The following ZNF470 variants were observed in gnomAD, a reference collection of about 807,000 sequenced individuals.
ZNF470 encodes the protein chondrogenesis zinc finger protein 1.
Under a neutral mutation model 13.9 loss-of-function variants are expected in ZNF470, and 13 were observed. The ratio of observed to expected loss-of-function variants is 0.94; its 90% CI spans 0.61 to 1.49. The LOEUF (loss-of-function observed/expected upper bound fraction) is 1.49, where lower values mean the gene tolerates loss of function less well. ZNF470 is among the 40% of genes most tolerant of loss of function. The probability of loss-of-function intolerance (pLI) is 0.00; values close to 1 mark genes in which losing one functional copy is unlikely to be tolerated. For synonymous variants in ZNF470, 293 were observed against 282.9 expected (o/e 1.04, Z -0.36); for missense variants, 929 against 857.3 (o/e 1.08, Z -1.04).
Position 56,582,257 on chromosome 19 carries a change from T to G in ZNF470, c.*3674T>G. On this transcript the variant is annotated 3_prime_UTR_variant, in exon 6 of 6. Transcript: ENST00000330619. ...ATAATTTAAGGAGGATGGAGAATGC[T>G]GAATCCAAAAGGTATATGTAATACT... 1.0e-6 allele frequency: 1 copy of G among 985,398 alleles called. No homozygotes were observed. Among genetic ancestry groups the G allele is most frequent in the Non-Finnish European group, 1.2e-6 (1 of 829,930 alleles). The allele number at this position is 985,398 out of a possible 1,614,324, so 61.0% of individuals were successfully genotyped here.
In ZNF470 at chr19:56,574,680, A is replaced by T; in HGVS notation, c.230A>T (p.Gln77Leu). The change falls in exon 5 of 6, where the codon CAA becomes CTA. Residue 77 changes from glutamine to leucine, a missense_variant. Coordinates refer to ENST00000330619, the MANE Select transcript of ZNF470 (RefSeq NM_001001668.4). ...SKPDVISLLE[Q>L]EKDPWVIKGG... ...CCAGATGTGATCTCCTTACTGGAGC[A>T]AGAGAAAGACCCTTGGGTGATAAAA... 1 of 1,613,866 alleles carries T rather than the reference A, an allele frequency of 6.2e-7. No homozygotes were observed. The highest frequency in any genetic ancestry group is 1.3e-5 in the African/African-American group (1 of 75,058).
At chr19:56,574,824 C>G in intron 5 of ZNF470, 91 bp downstream of exon 5, 3 of 1,114,178 alleles carry the variant, frequency 2.7e-6, no homozygotes, top group Non-Finnish European at 2.6e-6. Context: ...AACTCCCTCC[C>G]AAACTGAAAC....
chr19:56,568,459 C>T (rs997728807), intron 1 of ZNF470, among the ~76,000 whole-genome samples: 24 of 152,136 alleles, frequency 1.6e-4, no homozygotes, highest in Non-Finnish European at 4.4e-5. Flanking sequence ...CCAGAAATGC[C>T]GAGGCATTCC....
Position 56,581,196 on chromosome 19 carries a change from T to G in ZNF470, c.*2613T>G, listed in dbSNP as rs956768118. 5 of 653,560 alleles carry G rather than the reference T, an allele frequency of 7.7e-6. No individual in the cohort carries two copies. In the Admixed American group the frequency reaches 1.9e-4, roughly 25 times the overall value. 40.5% of individuals were successfully genotyped at this position (653,560 alleles called of 1,614,324 possible). On this transcript the variant is annotated 3_prime_UTR_variant, in exon 6 of 6. Coordinates refer to ENST00000330619, the MANE Select transcript of ZNF470 (RefSeq NM_001001668.4). ...AATAATAATCTGCAACTTAGAAAAA[T>G]GGACTAATGTCCCATTCACAAAAGA...
At chr19:56,572,371 A>ATGTATATATATATATATAT (rs1179200077) in intron 3 of ZNF470, among the ~76,000 whole-genome samples, 1 of 17,242 alleles carries the variant, frequency 5.8e-5, no homozygotes, top group African/African-American at 8.3e-4. Flanking sequence ...AAAAAAAAAA[A>ATGTATATATATATATATAT]ATATATATAT....
At position 56,580,294 on chromosome 19, in the gene ZNF470, C is replaced by A. The variant is rs1374956305; in HGVS notation, c.*1711C>A. ...GAGGAAGGGAGGATTGATGGTTTAACAGAGATCATGGCAGTTATGTTCACT... is the reference window on the plus strand; with the variant it reads ...GAGGAAGGGAGGATTGATGGTTTAAAAGAGATCATGGCAGTTATGTTCACT... On this transcript the variant is annotated 3_prime_UTR_variant, in exon 6 of 6. Transcript: ENST00000330619. 1 of 383,528 alleles carries A rather than the reference C, an allele frequency of 2.6e-6. No homozygotes were observed. Among genetic ancestry groups the A allele is most frequent in the African/African-American group, 2.2e-5 (1 of 45,132 alleles). 23.8% of individuals were successfully genotyped at this position (383,528 alleles called of 1,614,324 possible). A position where few individuals can be genotyped will look rare whatever the true frequency, so the allele number is the denominator to read the frequency against.
intron 5 of ZNF470, 60 bp from the exon 6 acceptor site, chr19:56,576,653 G>T: frequency 1.5e-6 from 2 of 1,329,072 alleles, no homozygotes; most frequent in South Asian, 2.5e-5. Context: ...TTTCATTTTC[G>T]AAATTTCCAT....
In ZNF470 at chr19:56,581,600, A is replaced by T; in HGVS notation, c.*3017A>T. 1 of 826,558 alleles carries T rather than the reference A, an allele frequency of 1.2e-6. No individual in the cohort carries two copies. Among genetic ancestry groups the T allele is most frequent in the Non-Finnish European group, 1.5e-6 (1 of 685,186 alleles). The allele number at this position is 826,558 out of a possible 1,614,324, so 51.2% of individuals were successfully genotyped here. A position where few individuals can be genotyped will look rare whatever the true frequency, so the allele number is the denominator to read the frequency against. On this transcript the variant is annotated 3_prime_UTR_variant, in exon 6 of 6. Coordinates refer to ENST00000330619, the MANE Select transcript of ZNF470 (RefSeq NM_001001668.4). ...AATCAATGTGTGTAGTCATAGAAAG[A>T]TAGCTGTGCTATACTAAATGAAAAA...
In ZNF470 at chr19:56,582,139, A is replaced by G. The variant is rs1462139479; in HGVS notation, c.*3556A>G. 3 of 985,404 alleles carry G rather than the reference A, an allele frequency of 3.0e-6. No individual in the cohort carries two copies. The African/African-American group carries it at 5.2e-5, about 17-fold the overall frequency. 61.0% of individuals were successfully genotyped at this position (985,404 alleles called of 1,614,324 possible). The stretch of plus-strand genomic sequence containing the variant: ...GGGGCGAATAAGACTTATATTCTAG[A>G]CTGGAAAGCATCTCATGGTGTGCGA... On this transcript the variant is annotated 3_prime_UTR_variant, in exon 6 of 6. Transcript: ENST00000330619.
At chr19:56,573,120 T>C (rs1481439518) in intron 3 of ZNF470, among the ~76,000 whole-genome samples, 1 of 152,234 alleles carries the variant, frequency 6.6e-6, no homozygotes, top group African/African-American at 2.4e-5. Context: ...ATACTACAGT[T>C]AGGTAAAATA....
At chr19:56,571,188 A>C (rs1310600647) in intron 3 of ZNF470, among the ~76,000 whole-genome samples, 2 of 152,212 alleles carry the variant, frequency 1.3e-5, no homozygotes, top group African/African-American at 4.8e-5. Flanking sequence ...TAAAATGCCA[A>C]GGAATGTTTT....
At chr19:56,574,341 C>T (rs750160371) in intron 3 of ZNF470, 53 bp from the exon 4 acceptor site, 2 of 1,611,948 alleles carry the variant, frequency 1.2e-6, no homozygotes, top group South Asian at 1.1e-5. Flanking sequence ...TACCCTAGAG[C>T]TGCATTGGAA....
chr19:56,581,250 C>A lies in ZNF470; in HGVS notation c.*2667C>A. On this transcript the variant is annotated 3_prime_UTR_variant, in exon 6 of 6. Transcript: ENST00000330619. ...AATAAAAGCAGTTAATGAAAATTAT[C>A]CAATATCACTAGAAATCAAGAAATG... 1.6e-6 allele frequency: 1 copy of A among 615,096 alleles called. No homozygotes were observed. The highest frequency in any genetic ancestry group is 2.0e-6 in the Non-Finnish European group (1 of 492,426). 38.1% of individuals were successfully genotyped at this position (615,096 alleles called of 1,614,324 possible).
intron 3 of ZNF470, among the ~76,000 whole-genome samples, chr19:56,571,107 G>T (rs1376677029): frequency 6.6e-6 from 1 of 152,134 alleles, no homozygotes; most frequent in African/African-American, 2.4e-5. Flanking sequence ...AGGCATATGG[G>T]ATTGATGGCA....
At position 56,574,422 on chromosome 19, in the gene ZNF470, T is replaced by C. The variant is rs2044475119; in HGVS notation, c.89T>C (p.Ile30Thr). 1 of 1,613,734 alleles carries C rather than the reference T, an allele frequency of 6.2e-7. No homozygotes were observed. The highest frequency in any genetic ancestry group is 1.3e-5 in the African/African-American group (1 of 74,916). Residue 30 changes from isoleucine to threonine, a missense_variant, in exon 4 of 6, where the codon ATA becomes ACA. Physicochemically the swap from Ile to Thr is moderately conservative, Grantham distance 89 (BLOSUM62 -1). Transcript: ENST00000330619. Reference protein sequence around the residue: ...LGSVTFTDVAIDFSQDEWEWL... With the variant: ...LGSVTFTDVATDFSQDEWEWL... ...TCAGTGACTTTCACAGATGTGGCCATAGACTTTTCCCAAGATGAATGGGAG... is the reference window on the plus strand; with the variant it reads ...TCAGTGACTTTCACAGATGTGGCCACAGACTTTTCCCAAGATGAATGGGAG...
In ZNF470 at chr19:56,576,813, T is replaced by C. The variant is rs757101394; in HGVS notation, c.384T>C (p.Tyr128=). The C allele has an allele frequency of 6.3e-7, 1 of 1,580,882 alleles. No individual in the cohort carries two copies. Among genetic ancestry groups the C allele is most frequent in the Non-Finnish European group, 8.5e-7 (1 of 1,169,624 alleles). The part of the protein sequence containing the change: ...PAIIMERLKS[Y]DLECSTLGKN... ...TCATAATGGAAAGACTTAAAAGCTA[T>C]GACCTTGAATGTTCAACATTAGGGA... is the stretch of plus-strand genomic sequence containing the variant. The change falls in exon 6 of 6, where the codon TAT becomes TAC. Residue 128 remains tyrosine, a synonymous_variant. Coordinates refer to ENST00000330619, the MANE Select transcript of ZNF470 (RefSeq NM_001001668.4).
chr19:56,574,752 G>A lies in ZNF470; in HGVS notation c.283+19G>A. 1 of 1,598,318 alleles carries A rather than the reference G, an allele frequency of 6.3e-7. No individual in the cohort carries two copies. Among genetic ancestry groups the A allele is most frequent in the Non-Finnish European group, 8.6e-7 (1 of 1,168,854 alleles). ...TGCCCAGGTAAGTGGAGGATACCTA[G>A]AGATAAAGGAACTGTTCTCAACATG... On this transcript the variant is annotated intron_variant, in intron 5 of 5. Transcript: ENST00000330619.
chr19:56,582,375 T>C lies in ZNF470; in HGVS notation c.*3792T>C. 4.1e-6 allele frequency: 4 copies of C among 985,366 alleles called. No homozygotes were observed. The highest frequency in any genetic ancestry group is 9.4e-5 in the South Asian group (2 of 21,286). 61.0% of individuals were successfully genotyped at this position (985,366 alleles called of 1,614,324 possible). On this transcript the variant is annotated 3_prime_UTR_variant, in exon 6 of 6. Transcript: ENST00000330619. ...TCACCTAAGGGATTTTGTATGATAT[T>C]GTTGAAAGATGTCTTACATTGTTTA...
rs1409758565 is a variant in ZNF470, at chr19:56,580,696, C to G, written c.*2113C>G. On this transcript the variant is annotated 3_prime_UTR_variant, in exon 6 of 6. Transcript: ENST00000330619. ...AGGGCCATGTGAGGGAAGCCGTTAT[C>G]CAGAGTACATGACTGCTAGAAAATG... 4.1e-6 allele frequency: 1 copy of G among 241,646 alleles called. No homozygotes were observed. Among genetic ancestry groups the G allele is most frequent in the East Asian group, 1.8e-4 (1 of 5,558 alleles). The allele number at this position is 241,646 out of a possible 1,614,324, so 15.0% of individuals were successfully genotyped here.
Sources: allele counts gnomAD v4.1 joint callset (sites outside exome capture counted in the v4.1 genomes callset), GRCh38; gene constraint gnomAD v4.1.1; transcripts MANE v1.5; gene names NCBI Gene and HGNC (gene_info 2026-07-23, HGNC 2026-07-21).